Variants in POLR1E observed in about 807,000 individuals in gnomAD.
The protein encoded by POLR1E is DNA-directed RNA polymerase I subunit RPA49.
Under a neutral mutation model 50.9 loss-of-function variants are expected in POLR1E, and 37 were observed. That is an observed-to-expected ratio of 0.73 (90% CI 0.56 to 0.96). The LOEUF (loss-of-function observed/expected upper bound fraction) is 0.96. POLR1E is among the 40% of genes least tolerant of loss of function. The pLI is 0.00. For synonymous variants in POLR1E, 166 were observed against 191.6 expected (o/e 0.87, Z 1.10); for missense variants, 426 against 518.1 (o/e 0.82, Z 1.73).
At position 37,487,813 on chromosome 9, in the gene POLR1E, A is replaced by G. The variant is rs368422124; in HGVS notation, c.181-50A>G. On this transcript the variant is annotated intron_variant, in intron 2 of 11. Transcript: ENST00000377798. ...ATGTAGAAAAGAGAAATGATGCTTA[A>G]TACCTTTCAACATTGGTTGTAAATG... 1.3e-5 allele frequency: 20 copies of G among 1,534,930 alleles called. No individual in the cohort carries two copies. In the African/African-American group the frequency reaches 2.7e-4, roughly 21 times the overall value.
chr9:37,495,009 C>G (rs2274480), intron 6 of POLR1E, among the ~76,000 whole-genome samples, 160 bp from the exon 7 acceptor site: 32,774 of 152,150 alleles, frequency 0.22, 3,701 homozygotes, highest in East Asian at 0.26. Flanking sequence ...CATGGCAGTC[C>G]TGAAGCAGTC....
In POLR1E at chr9:37,500,925, AG is replaced by A; in HGVS notation, c.968+9del. On this transcript the variant is annotated splice_donor_5th_base_variant and intron_variant, in intron 10 of 11. Transcript: ENST00000377798. ...GCTTGACCTACAACAATGGCAGGTC[AG>A]GGGGTGGTTGCTGGGATTTTTCTTG... 6.2e-7 allele frequency: 1 copy of A among 1,611,264 alleles called. No individual in the cohort carries two copies. The highest frequency in any genetic ancestry group is 8.5e-7 in the Non-Finnish European group (1 of 1,177,728).
chr9:37,496,499 G>GT (rs1240090270), intron 8 of POLR1E, among the ~76,000 whole-genome samples: 1 of 151,110 alleles, frequency 6.6e-6, no homozygotes, highest in Non-Finnish European at 1.5e-5. Context: ...TTGCTTTTGA[G>GT]TTTTTTCTTT....
At position 37,498,317 on chromosome 9, in the gene POLR1E, T is replaced by G. The variant is rs1327261300; in HGVS notation, c.886+93T>G. ...AGTTCTGATGAGAGAAGAAAATGGA[T>G]ATGTCTGTCCAAGTCTTTACTGTCA... On this transcript the variant is annotated intron_variant, in intron 9 of 11. Transcript: ENST00000377798. 3.0e-6 allele frequency: 4 copies of G among 1,354,032 alleles called. No homozygotes were observed. In the East Asian group the frequency reaches 9.5e-5, roughly 32 times the overall value. 83.9% of individuals were successfully genotyped at this position (1,354,032 alleles called of 1,614,324 possible).
In POLR1E at chr9:37,486,139, C is replaced by T. The variant is rs772693330; in HGVS notation, c.76+16C>T. 5 of 1,583,446 alleles carry T rather than the reference C, an allele frequency of 3.2e-6. No homozygotes were observed. In the South Asian group the frequency reaches 4.6e-5, roughly 15 times the overall value. On this transcript the variant is annotated intron_variant, in intron 1 of 11. Transcript: ENST00000377798. ...GCTGTACTGGGTAAAGACTGCGGAG[C>T]TGGAGCAGTGCTCCTCTAACCCTCT...
intron 10 of POLR1E, 29 bp from the exon 11 acceptor site, chr9:37,501,684 T>G (rs759618356): frequency 4.4e-6 from 7 of 1,601,000 alleles, no homozygotes; most frequent in Non-Finnish European, 6.0e-6. Context: ...TTTAATTTTG[T>G]TTCTCCTTTA....
intron 9 of POLR1E, among the ~76,000 whole-genome samples, chr9:37,500,153 GTTTTTTGTTTTGTTTTGTTT>G (rs1300734459): frequency 1.7e-5 from 2 of 120,080 alleles, no homozygotes; most frequent in Non-Finnish European, 3.4e-5. Context: ...CCAGCCAGTT[GTTTTTTGTTTTGTTTTGTTT>G]TGTTTTGTTT....
At position 37,495,230 on chromosome 9, in the gene POLR1E, C is replaced by T. The variant is rs1820763521; in HGVS notation, c.609C>T (p.Cys203=). 1.9e-6 allele frequency: 3 copies of T among 1,614,150 alleles called. No individual in the cohort carries two copies. The highest frequency in any genetic ancestry group is 1.7e-6 in the Non-Finnish European group (2 of 1,180,012). ...ATGACTCCCTCTACCTTCCTCCCTG[C>T]TATGATGATGCAGCCAAGCCTGAAG... The part of the protein sequence containing the change: ...LQDDSLYLPP[C]YDDAAKPEDV... The change falls in exon 7 of 12, where the codon TGC becomes TGT. Residue 203 remains cysteine, a synonymous_variant. Transcript: ENST00000377798.
At chr9:37,490,759 C>T in intron 4 of POLR1E, 2 of 650,824 alleles carry the variant, frequency 3.1e-6, no homozygotes, top group Non-Finnish European at 5.8e-6. Context: ...GAACAGTACC[C>T]ATTCCCTTGA....
At chr9:37,494,377 G>A (rs1820747183) in intron 6 of POLR1E, among the ~76,000 whole-genome samples, 1 of 152,096 alleles carries the variant, frequency 6.6e-6, no homozygotes, top group African/African-American at 2.4e-5. Flanking sequence ...TGAAATTCTA[G>A]TAATTTTTGG....
At position 37,485,962 on chromosome 9, in the gene POLR1E, A is replaced by G. The variant is rs904316669; in HGVS notation, c.-86A>G. On this transcript the variant is annotated 5_prime_UTR_variant, in exon 1 of 12. Coordinates refer to ENST00000377798, the MANE Select transcript of POLR1E (RefSeq NM_022490.4). Reference sequence around the variant, plus strand: ...CGGGGCCACGCCTTTTCCGGCCCGCAGCGCGGCCTGGGCTCCCGCGTGTTT... The same window carrying G: ...CGGGGCCACGCCTTTTCCGGCCCGCGGCGCGGCCTGGGCTCCCGCGTGTTT... 4.3e-4 allele frequency: 644 copies of G among 1,514,988 alleles called. No individual in the cohort carries two copies. Among genetic ancestry groups the G allele is most frequent in the Non-Finnish European group, 5.5e-4 (619 of 1,115,914 alleles). 93.8% of individuals were successfully genotyped at this position (1,514,988 alleles called of 1,614,324 possible).
chr9:37,486,573 C>T, intron 1 of POLR1E, 130 bp from the exon 2 acceptor site: 1 of 1,607,262 alleles, frequency 6.2e-7, no homozygotes, highest in Non-Finnish European at 8.5e-7. Flanking sequence ...CCCTTTGGGT[C>T]AGGACCCGAG....
intron 9 of POLR1E, among the ~76,000 whole-genome samples, chr9:37,498,771 A>G (rs1439301904): frequency 6.6e-6 from 1 of 152,220 alleles, no homozygotes; most frequent in Non-Finnish European, 1.5e-5. Context: ...TTGGAAACCC[A>G]GAAGATGTCT....
At chr9:37,496,793 A>G (rs947123545) in intron 8 of POLR1E, among the ~76,000 whole-genome samples, 5 of 152,036 alleles carry the variant, frequency 3.3e-5, no homozygotes, top group African/African-American at 1.2e-4. Flanking sequence ...CCCTTCTTGA[A>G]GCCTCAGTTT....
chr9:37,491,727 G>A (rs1820688573), intron 4 of POLR1E, among the ~76,000 whole-genome samples: 1 of 152,264 alleles, frequency 6.6e-6, no homozygotes, highest in East Asian at 1.9e-4. Flanking sequence ...GTCTCTCAAA[G>A]TGCTAGTATT....
intron 1 of POLR1E, chr9:37,486,378 G>T: frequency 6.7e-7 from 1 of 1,493,616 alleles, no homozygotes; most frequent in Non-Finnish European, 9.0e-7. Context: ...TCACCCACCA[G>T]GTCTCCCGCC....
intron 3 of POLR1E, among the ~76,000 whole-genome samples, chr9:37,488,269 C>T (rs755222482): frequency 3.3e-5 from 5 of 152,118 alleles, no homozygotes; most frequent in South Asian, 4.1e-4. Context: ...TGGGAACTAA[C>T]GACAGGTAAA....
At chr9:37,493,382 G>A (rs556550446) in intron 5 of POLR1E, among the ~76,000 whole-genome samples, 177 bp from the exon 6 acceptor site, 7 of 152,278 alleles carry the variant, frequency 4.6e-5, no homozygotes, top group East Asian at 1.9e-4. Context: ...TGATCAATCT[G>A]TTAATATCAT....
rs1013275897 is a variant in POLR1E at position 37,503,297 on chromosome 9, T to G, written c.*95T>G. On this transcript the variant is annotated 3_prime_UTR_variant, in exon 12 of 12. Transcript: ENST00000377798. Reference sequence around the variant, plus strand: ...TTATGTATGTTTTGAAAAGAAAAGGTCCGGGGATGGTGGCTCACACCTGAA... The same window carrying G: ...TTATGTATGTTTTGAAAAGAAAAGGGCCGGGGATGGTGGCTCACACCTGAA... 4 of 1,427,016 alleles carry G rather than the reference T, an allele frequency of 2.8e-6. No individual in the cohort carries two copies. The highest frequency in any genetic ancestry group is 1.5e-5 in the South Asian group (1 of 68,744). 88.4% of individuals were successfully genotyped at this position (1,427,016 alleles called of 1,614,324 possible). A position where few individuals can be genotyped will look rare whatever the true frequency, so the allele number is the denominator to read the frequency against.
Sources: allele counts gnomAD v4.1 joint callset (sites outside exome capture counted in the v4.1 genomes callset), GRCh38; gene constraint gnomAD v4.1.1; transcripts MANE v1.5; gene names NCBI Gene and HGNC (gene_info 2026-07-23, HGNC 2026-07-21).